The following VNN1 variants were observed in gnomAD, a reference collection of about 807,000 sequenced individuals.
VNN1 encodes vanin 1, also known as pantetheinase.
In VNN1, 29 loss-of-function variants were observed where a neutral mutation model predicts 41.9. The ratio of observed to expected loss-of-function variants is 0.69; its 90% CI spans 0.52 to 0.94. The LOEUF is 0.94. VNN1 is among the 40% of genes least tolerant of loss of function. VNN1 has a pLI of 0.00. For missense variants in VNN1, 637 were observed against 621.1 expected, an observed-to-expected ratio of 1.03 and a Z score of -0.27; for synonymous variants, 233 against 224.4, an observed-to-expected ratio of 1.04 and a Z score of -0.34.
chr6:132,686,268 GA>G (rs1778205782), intron 5 of VNN1, among the ~76,000 whole-genome samples: 1 of 152,094 alleles, frequency 6.6e-6, no homozygotes, highest in Non-Finnish European at 1.5e-5. Context: ...CCAACATGGG[GA>G]AACCCCATCT....
In VNN1 at chr6:132,693,333, T is replaced by C. The variant is rs762896089; in HGVS notation, c.535-18A>G. On this transcript the variant is annotated intron_variant, in intron 3 of 6. Transcript: ENST00000367928. ...AGGTTTTGCTGCAATAAACAGAAGA[T>C]AAAGAGAAAAAAATTATTTTAGGAA... is the stretch of plus-strand genomic sequence containing the variant. The C allele has an allele frequency of 1.1e-5, 17 of 1,564,288 alleles. 1 individual carries two copies. In the South Asian group the frequency reaches 1.8e-4, roughly 17 times the overall value.
intron 2 of VNN1, among the ~76,000 whole-genome samples, chr6:132,709,207 TGATAGATAGATGATA>T (rs1198170172): frequency 5.6e-4 from 64 of 113,656 alleles, no homozygotes; most frequent in East Asian, 5.3e-3. Flanking sequence ...AATAGATAGA[TGATAGATAGATGATA>T]GATAGATAGA....
chr6:132,686,622 G>A (rs1297378310), intron 5 of VNN1, among the ~76,000 whole-genome samples: 1 of 152,164 alleles, frequency 6.6e-6, no homozygotes, highest in African/African-American at 2.4e-5. Flanking sequence ...GCAGCAAAAG[G>A]TCCAGCTAGA....
chr6:132,683,283 A>G lies in VNN1; in HGVS notation c.1399T>C (p.Ser467Pro). The G allele has an allele frequency of 6.2e-7, 1 of 1,613,962 alleles. No individual in the cohort carries two copies. Among genetic ancestry groups the G allele is most frequent in the Non-Finnish European group, 8.5e-7 (1 of 1,179,986 alleles). ...DGRLFSLKPT[S>P]GPVLTVTLFG... ...AGAGTTACTGTTAAGACAGGTCCGG[A>G]TGTTGGCTTCAGACTAAACAAGCGT... is the stretch of plus-strand genomic sequence containing the variant. The change falls in exon 7 of 7, where the codon TCC becomes CCC. Residue 467 changes from serine to proline, a missense_variant. Coordinates refer to ENST00000367928, the MANE Select transcript of VNN1 (RefSeq NM_004666.3).
intron 4 of VNN1, 56 bp from the exon 5 acceptor site, chr6:132,692,640 A>G: frequency 6.6e-7 from 1 of 1,505,286 alleles, no homozygotes; most frequent in South Asian, 1.4e-5. Flanking sequence ...AAGGGATTTC[A>G]TAATTGTTAT....
intron 2 of VNN1, chr6:132,698,872 C>T (rs934880673): frequency 4.6e-6 from 1 of 215,598 alleles, no homozygotes; most frequent in Non-Finnish European, 1.1e-5. Context: ...AGTTAAAGAT[C>T]TGTGGTTTGA....
In VNN1 at chr6:132,693,066, A is replaced by T; in HGVS notation, c.784T>A (p.Phe262Ile). The T allele has an allele frequency of 6.2e-7, 1 of 1,613,884 alleles. No individual in the cohort carries two copies. Among genetic ancestry groups the T allele is most frequent in the Non-Finnish European group, 8.5e-7 (1 of 1,179,886 alleles). Residue 262 changes from phenylalanine to isoleucine, a missense_variant, in exon 4 of 7, where the codon TTC (phenylalanine) becomes ATC (isoleucine). Transcript: ENST00000367928. The part of the protein sequence containing the change: ...SAWAMGMRVN[F>I]LASNIHYPSK... ...GGGTAATGTATGTTGGATGCAAGGA[A>T]ATTGACCCTCATGCCCATAGCCCAA...
At chr6:132,688,783 T>C (rs1242539295) in intron 5 of VNN1, among the ~76,000 whole-genome samples, 1 of 152,204 alleles carries the variant, frequency 6.6e-6, no homozygotes, top group Non-Finnish European at 1.5e-5. Context: ...ACAATATGAT[T>C]CATTTAATTT....
At chr6:132,688,077 T>A (rs1247751657) in intron 5 of VNN1, among the ~76,000 whole-genome samples, 1 of 152,132 alleles carries the variant, frequency 6.6e-6, no homozygotes, top group Non-Finnish European at 1.5e-5. Flanking sequence ...AAGCATAATA[T>A]ATCATCACAG....
At chr6:132,709,973 G>A (rs1028459515) in intron 2 of VNN1, among the ~76,000 whole-genome samples, 4 of 152,128 alleles carry the variant, frequency 2.6e-5, no homozygotes, top group Non-Finnish European at 4.4e-5. Context: ...AAATGATTAT[G>A]ATAAATAACA....
chr6:132,694,282 G>C, intron 2 of VNN1, 100 bp from the exon 3 acceptor site: 3 of 1,153,040 alleles, frequency 2.6e-6, no homozygotes, highest in Non-Finnish European at 2.4e-6. Flanking sequence ...TTTGATATAT[G>C]CAAAAGTAAA....
At chr6:132,700,495 G>C (rs780921605) in intron 2 of VNN1, among the ~76,000 whole-genome samples, 2 of 152,124 alleles carry the variant, frequency 1.3e-5, no homozygotes, top group Non-Finnish European at 2.9e-5. Flanking sequence ...GCCACCCACT[G>C]ACACCCATCT....
intron 2 of VNN1, among the ~76,000 whole-genome samples, chr6:132,694,541 C>T (rs1352291411): frequency 6.6e-6 from 1 of 152,064 alleles, no homozygotes; most frequent in African/African-American, 2.4e-5. Flanking sequence ...AAAATTTTGT[C>T]TAACAGAAGA....
chr6:132,711,355 A>G (rs1324420072), intron 2 of VNN1, among the ~76,000 whole-genome samples: 2 of 152,218 alleles, frequency 1.3e-5, no homozygotes, highest in South Asian at 2.1e-4. Context: ...CTTAGCAATG[A>G]GAAAGGAAAA....
intron 5 of VNN1, among the ~76,000 whole-genome samples, chr6:132,685,275 A>G (rs1778189942): frequency 6.6e-6 from 1 of 152,254 alleles, no homozygotes; most frequent in Non-Finnish European, 1.5e-5. Context: ...AAAAGTTTCC[A>G]AAAGGAGATC....
chr6:132,683,169 C>A lies in VNN1; in HGVS notation c.1513G>T (p.Ala505Ser). The A allele has an allele frequency of 6.2e-7, 1 of 1,613,440 alleles. No homozygotes were observed. The highest frequency in any genetic ancestry group is 8.5e-7 in the Non-Finnish European group (1 of 1,179,788). ...QARIIMLIVI[A>S]PIVCSLSW ...CAACTTAATGAGCATACAATAGGTG[C>A]TATAACTATTAGCATTATTATTCTT... Residue 505 changes from alanine to serine, a missense_variant, in exon 7 of 7, where the codon GCA (alanine) becomes TCA (serine). Ala to Ser is a moderately conservative substitution (Grantham distance 99, BLOSUM62 1). Coordinates refer to ENST00000367928, the MANE Select transcript of VNN1 (RefSeq NM_004666.3).
chr6:132,689,021 T>C (rs1778244607), intron 5 of VNN1, among the ~76,000 whole-genome samples: 1 of 152,174 alleles, frequency 6.6e-6, no homozygotes, highest in South Asian at 2.1e-4. Context: ...TCCAAGTAGC[T>C]GGGATTGCAG....
chr6:132,692,964 T>C (rs769825350), intron 4 of VNN1, 60 bp downstream of exon 4: 102 of 1,488,386 alleles, frequency 6.9e-5, no homozygotes, highest in Non-Finnish European at 8.5e-5. Context: ...AAAAACATGT[T>C]TTTTTTTTCT....
intron 2 of VNN1, among the ~76,000 whole-genome samples, chr6:132,706,039 C>T (rs753064930): frequency 3.9e-5 from 6 of 151,988 alleles, no homozygotes. Context: ...AAAGATATTC[C>T]ATGTTCATAG....
Sources: allele counts gnomAD v4.1 joint callset (sites outside exome capture counted in the v4.1 genomes callset), GRCh38; gene constraint gnomAD v4.1.1; transcripts MANE v1.5; gene names NCBI Gene and HGNC (gene_info 2026-07-23, HGNC 2026-07-21).